BCL10: variants seen among roughly 807,000 people sequenced by gnomAD.
BCL10 encodes BCL10 immune signaling adaptor.
Under a neutral mutation model 19.2 loss-of-function variants are expected in BCL10, and 5 were observed. That is an observed-to-expected ratio of 0.26 (90% CI 0.14 to 0.55). The LOEUF (loss-of-function observed/expected upper bound fraction) is 0.55. Ranked by LOEUF, BCL10 falls within the 20% of genes least tolerant of loss-of-function variation. The pLI is 0.94. For missense variants in BCL10, 201 were observed against 271.9 expected (o/e 0.74, Z 1.83); for synonymous variants, 110 against 98.8 (o/e 1.11, Z -0.67).
Position 85,270,914 on chromosome 1 carries a change from A to G in BCL10, c.58-8T>C, listed in dbSNP as rs777638091. ...ACGTAAATTTTCTAAGGCCTAAAAG[A>G]CATAAAATATGGTTCAATGTTATTT... is the stretch of plus-strand genomic sequence containing the variant. On this transcript the variant is annotated splice_region_variant and splice_polypyrimidine_tract_variant and intron_variant, in intron 1 of 2. Transcript: ENST00000648566. The G allele has an allele frequency of 6.3e-7, 1 of 1,596,116 alleles. No homozygotes were observed. Among genetic ancestry groups the G allele is most frequent in the East Asian group, 2.2e-5 (1 of 44,810 alleles).
chr1:85,270,810 T>A lies in BCL10; in HGVS notation c.154A>T (p.Thr52Ser). The stretch of plus-strand genomic sequence containing the variant: ...GATGTTCGACAAGAAATTTCTTCAG[T>A]GTCTTCTCTACTGAGTATTTTTTTT... ...RAKKILSREDTEEISCRTSSR... is the reference protein window; with the variant it reads ...RAKKILSREDSEEISCRTSSR... The change falls in exon 2 of 3, where the codon ACT becomes TCT. Residue 52 changes from threonine to serine, a missense_variant. By Grantham distance (58) the Thr-to-Ser change is moderately conservative (BLOSUM62 1). This residue lies in a region of BCL10 where 51 missense variants were observed against 118.8 expected (regional missense o/e 0.43). Coordinates refer to ENST00000648566, the MANE Select transcript of BCL10 (RefSeq NM_003921.5). 1 of 1,614,072 alleles carries A rather than the reference T, an allele frequency of 6.2e-7. No homozygotes were observed. Among genetic ancestry groups the A allele is most frequent in the Non-Finnish European group, 8.5e-7 (1 of 1,180,030 alleles).
At position 85,274,477 on chromosome 1, in the gene BCL10, TA is replaced by T. The variant is rs550398700; in HGVS notation, c.57+1818del. On this transcript the variant is annotated intron_variant, in intron 1 of 2. Coordinates refer to ENST00000648566, the MANE Select transcript of BCL10 (RefSeq NM_003921.5). ...GTAATCCATATTTATTAAACTGTAC[TA>T]AATCCAACTAACACAATGAGGCAAA... is the stretch of plus-strand genomic sequence containing the variant. Among the ~76,000 whole-genome samples the T allele has an allele frequency of 5.7e-3, 868 of 152,240 alleles. 7 individuals carry two copies. The highest frequency in any genetic ancestry group is 0.02 in the African/African-American group (813 of 41,540).
Position 85,266,348 on chromosome 1 carries a change from A to C in BCL10, c.*1279T>G, listed in dbSNP as rs1171822104. ...GGAGACAATGTCAGGAAACAGATAA[A>C]ATTGTAATTTAAATAAAAACAAACA... is the stretch of plus-strand genomic sequence containing the variant. On this transcript the variant is annotated 3_prime_UTR_variant, in exon 3 of 3. Coordinates refer to ENST00000648566, the MANE Select transcript of BCL10 (RefSeq NM_003921.5). 5.4e-6 allele frequency: 1 copy of C among 186,262 alleles called. No individual in the cohort carries two copies. Among genetic ancestry groups the C allele is most frequent in the Non-Finnish European group, 1.1e-5 (1 of 88,008 alleles). The allele number at this position is 186,262 out of a possible 1,614,324, so 11.5% of individuals were successfully genotyped here. A position where few individuals can be genotyped will look rare whatever the true frequency, so the allele number is the denominator to read the frequency against.
At chr1:85,270,131 A>C (rs908829751) in intron 2 of BCL10, among the ~76,000 whole-genome samples, 1 of 152,234 alleles carries the variant, frequency 6.6e-6, no homozygotes, top group Admixed American at 6.5e-5. Context: ...GTTTTCTATA[A>C]ATGGTATTAA....
In BCL10 at chr1:85,267,456, A is replaced by C; in HGVS notation, c.*171T>G. ...TGATCAACATGATTTACAGTTAGCT[A>C]TCCTAGAAGTATGCTTTTTTAATTC... On this transcript the variant is annotated 3_prime_UTR_variant, in exon 3 of 3. Transcript: ENST00000648566. 3.5e-6 allele frequency: 2 copies of C among 576,758 alleles called. No individual in the cohort carries two copies. Among genetic ancestry groups the C allele is most frequent in the Non-Finnish European group, 2.9e-6 (1 of 339,278 alleles). The allele number at this position is 576,758 out of a possible 1,614,324, so 35.7% of individuals were successfully genotyped here. A position where few individuals can be genotyped will look rare whatever the true frequency, so the allele number is the denominator to read the frequency against.
chr1:85,272,763 T>C (rs1660401815), intron 1 of BCL10, among the ~76,000 whole-genome samples: 1 of 152,048 alleles, frequency 6.6e-6, no homozygotes, highest in South Asian at 2.1e-4. Flanking sequence ...ATGTTATTGA[T>C]AAAATAAGGA....
chr1:85,266,891 A>AG lies in BCL10; in HGVS notation c.*735_*736insC, dbSNP rs1259992351. 2 of 176,084 alleles carry AG rather than the reference A, an allele frequency of 1.1e-5. No homozygotes were observed. The highest frequency in any genetic ancestry group is 2.4e-5 in the African/African-American group (1 of 41,780). 10.9% of individuals were successfully genotyped at this position (176,084 alleles called of 1,614,324 possible). On this transcript the variant is annotated 3_prime_UTR_variant, in exon 3 of 3. Coordinates refer to ENST00000648566, the MANE Select transcript of BCL10 (RefSeq NM_003921.5). Reference sequence around the variant, plus strand: ...AAGACTGTCTCAAAAAAAAAAAAAAAAAAAAAAGAAAAAAGGAAAAAATAC... The same window carrying AG: ...AAGACTGTCTCAAAAAAAAAAAAAAAGAAAAAAAGAAAAAAGGAAAAAATAC...
chr1:85,274,817 T>A (rs182126161), intron 1 of BCL10, among the ~76,000 whole-genome samples: 2 of 152,140 alleles, frequency 1.3e-5, no homozygotes, highest in Non-Finnish European at 2.9e-5. Flanking sequence ...AGCATGCACA[T>A]AGTTTCTTTC....
chr1:85,266,224 T>G lies in BCL10; in HGVS notation c.*1403A>C, dbSNP rs1252031597. ...GTTTTAGATACTTCCTACTGAAAAT[T>G]TGGAACTCCAAAATAGCACTCACTA... On this transcript the variant is annotated 3_prime_UTR_variant, in exon 3 of 3. Transcript: ENST00000648566. 1 of 187,818 alleles carries G rather than the reference T, an allele frequency of 5.3e-6. No homozygotes were observed. Among genetic ancestry groups the G allele is most frequent in the African/African-American group, 2.3e-5 (1 of 42,794 alleles). 11.6% of individuals were successfully genotyped at this position (187,818 alleles called of 1,614,324 possible).
intron 1 of BCL10, among the ~76,000 whole-genome samples, chr1:85,271,504 T>C (rs138049233): frequency 6.6e-6 from 1 of 151,802 alleles, no homozygotes; most frequent in Non-Finnish European, 1.5e-5. Context: ...TAGGGAGTGT[T>C]CGAAAAATGA....
rs1660246152 is a variant in BCL10, at chr1:85,267,852, T to C, written c.477A>G (p.Glu159=). ...TAGAAAAAAAGGGCGTCGTGCTGGA[T>C]TCTCCTTCTGGATGGTACATGACAG... ...ASTVMYHPEG[E]SSTTPFFSTN... The change falls in exon 3 of 3, where the codon GAA becomes GAG. Residue 159 remains glutamate, a synonymous_variant. Transcript: ENST00000648566. The C allele has an allele frequency of 6.2e-7, 1 of 1,613,996 alleles. No individual in the cohort carries two copies.
Position 85,270,625 on chromosome 1 carries a change from A to G in BCL10, c.339T>C (p.His113=). 6.3e-7 allele frequency: 1 copy of G among 1,595,352 alleles called. No individual in the cohort carries two copies. Among genetic ancestry groups the G allele is most frequent in the South Asian group, 1.1e-5 (1 of 87,210 alleles). ...ATAATTAAGATATCTTACCTTTCAG[A>G]TGTTCTAGTTTTATATTTCTAAGTT... ...VLKLRNIKLE[H]LKGLKCSSCE... The change falls in exon 2 of 3, where the codon CAT becomes CAC. Residue 113 remains histidine (H), a synonymous_variant. Transcript: ENST00000648566.
At chr1:85,269,334 C>G (rs192067612) in intron 2 of BCL10, among the ~76,000 whole-genome samples, 103 of 152,316 alleles carry the variant, frequency 6.8e-4, no homozygotes, top group African/African-American at 2.2e-3. Context: ...TATAGTTAAC[C>G]ATTATCCAGA....
Position 85,266,976 on chromosome 1 carries a change from A to C in BCL10, c.*651T>G, listed in dbSNP as rs1660215528. On this transcript the variant is annotated 3_prime_UTR_variant, in exon 3 of 3. Coordinates refer to ENST00000648566, the MANE Select transcript of BCL10 (RefSeq NM_003921.5). ...CCAAGATATTTTTCTTTAGGAATGA[A>C]AATGATTAAGCCAAGAATGTGAAAA... 1 of 186,964 alleles carries C rather than the reference A, an allele frequency of 5.3e-6. No individual in the cohort carries two copies. 11.6% of individuals were successfully genotyped at this position (186,964 alleles called of 1,614,324 possible).
chr1:85,267,517 T>C lies in BCL10; in HGVS notation c.*110A>G. ...ATTTACAAAGTATGCTTACATTGCA[T>C]TTTAAAAGACATGCATCAAATGTAA... On this transcript the variant is annotated 3_prime_UTR_variant, in exon 3 of 3. Transcript: ENST00000648566. 1 of 920,262 alleles carries C rather than the reference T, an allele frequency of 1.1e-6. No homozygotes were observed. The highest frequency in any genetic ancestry group is 1.6e-6 in the Non-Finnish European group (1 of 625,470). 57.0% of individuals were successfully genotyped at this position (920,262 alleles called of 1,614,324 possible).
At chr1:85,272,507 G>A (rs1211253110) in intron 1 of BCL10, among the ~76,000 whole-genome samples, 1 of 149,578 alleles carries the variant, frequency 6.7e-6, no homozygotes, top group Non-Finnish European at 1.5e-5. Flanking sequence ...CTCCTGAGTT[G>A]TTGGGATTAT....
chr1:85,272,584 A>T (rs1382341787), intron 1 of BCL10, among the ~76,000 whole-genome samples: 1 of 152,104 alleles, frequency 6.6e-6, no homozygotes, highest in Admixed American at 6.6e-5. Flanking sequence ...AAAAAATTAA[A>T]AACAATGTTC....
Position 85,267,447 on chromosome 1 carries a change from C to T in BCL10, c.*180G>A, listed in dbSNP as rs1324340921. 2.3e-5 allele frequency: 12 copies of T among 517,006 alleles called. No homozygotes were observed. In the South Asian group the frequency reaches 2.9e-4, roughly 13 times the overall value. The allele number at this position is 517,006 out of a possible 1,614,324, so 32.0% of individuals were successfully genotyped here. On this transcript the variant is annotated 3_prime_UTR_variant, in exon 3 of 3. Coordinates refer to ENST00000648566, the MANE Select transcript of BCL10 (RefSeq NM_003921.5). ...AAAAGTACATGATCAACATGATTTA[C>T]AGTTAGCTATCCTAGAAGTATGCTT... is the stretch of plus-strand genomic sequence containing the variant.
chr1:85,272,266 C>G (rs1260712132), intron 1 of BCL10, among the ~76,000 whole-genome samples: 1 of 152,094 alleles, frequency 6.6e-6, no homozygotes, highest in Non-Finnish European at 1.5e-5. Context: ...GGATCTCACT[C>G]TGTCACCTAG....
Sources: gnomAD v4.1 joint callset for allele counts (sites outside exome capture counted in the v4.1 genomes callset) on GRCh38, gnomAD v4.1.1 for gene constraint, gnomAD v4.1.1 regional missense constraint, MANE v1.5 for transcripts, NCBI Gene and HGNC (gene_info 2026-07-23, HGNC 2026-07-21) for gene names.